The following ELK3 variants were observed in gnomAD, a reference collection of about 807,000 sequenced individuals.
ELK3 encodes the protein ETS transcription factor ELK3.
Under a neutral mutation model 28.9 loss-of-function variants are expected in ELK3, and 10 were observed. The observed-to-expected ratio is 0.35, with a 90% CI of 0.21 to 0.59. The LOEUF (loss-of-function observed/expected upper bound fraction) is 0.59, where lower values mean the gene tolerates loss of function less well. ELK3 is among the 20% of genes least tolerant of loss of function. The probability of loss-of-function intolerance (pLI) is 0.82; values close to 1 mark genes in which losing one functional copy is unlikely to be tolerated. For missense variants in ELK3, 463 were observed against 517.3 expected (o/e 0.90, Z 1.02); for synonymous variants, 272 against 243.5 (o/e 1.12, Z -1.09).
At chr12:96,236,419 T>G (rs556058264) in intron 2 of ELK3, among the ~76,000 whole-genome samples, 20 of 152,292 alleles carry the variant, frequency 1.3e-4, no homozygotes, top group African/African-American at 4.6e-4. Context: ...TTTGGTGAGA[T>G]AGTTCACGCT....
chr12:96,252,059 T>A (rs542330488), intron 3 of ELK3, among the ~76,000 whole-genome samples: 2 of 152,288 alleles, frequency 1.3e-5, no homozygotes, highest in African/African-American at 2.4e-5. Flanking sequence ...ACAGGCTGAG[T>A]CTTGTTAGTA....
rs1302870038 is a variant in ELK3 at position 96,222,384 on chromosome 12, GA to G, written c.-2-1177del. On this transcript the variant is annotated intron_variant, in intron 1 of 4. Transcript: ENST00000228741. ...TAAAAAGTTCACACCAGAGTTGAAG[GA>G]AAAGGATAACATTGTATATATAGGT... is the stretch of plus-strand genomic sequence containing the variant. Among the ~76,000 whole-genome samples the G allele has an allele frequency of 9.4e-5, 7 of 74,210 alleles. No homozygotes were observed. In the East Asian group the frequency reaches 8.3e-3, roughly 88 times the overall value. 48.7% of individuals were successfully genotyped at this position (74,210 alleles called of 152,430 possible).
intron 2 of ELK3, among the ~76,000 whole-genome samples, chr12:96,242,014 T>A (rs568509866): frequency 6.6e-6 from 1 of 152,300 alleles, no homozygotes; most frequent in Admixed American, 6.5e-5. Context: ...AGCGGATGTG[T>A]GTAACACTCT....
In ELK3 at chr12:96,267,811, T is replaced by C. The variant is rs1952049064; in HGVS notation, c.*631T>C. The stretch of plus-strand genomic sequence containing the variant: ...AATGTTTTTATAATAAACTAAGCCA[T>C]ATTTAGACAATAAACATTGATAAAA... On this transcript the variant is annotated 3_prime_UTR_variant, in exon 5 of 5. Transcript: ENST00000228741. 2.1e-5 allele frequency: 3 copies of C among 139,546 alleles called. No individual in the cohort carries two copies. The highest frequency in any genetic ancestry group is 1.5e-4 in the Admixed American group (2 of 13,250). The allele number at this position is 139,546 out of a possible 1,614,324, so 8.6% of individuals were successfully genotyped here.
chr12:96,267,537 T>C lies in ELK3; in HGVS notation c.*357T>C, dbSNP rs574744840. The C allele has an allele frequency of 2.3e-5, 4 of 174,704 alleles. No individual in the cohort carries two copies. The highest frequency in any genetic ancestry group is 3.3e-4 in the East Asian group (2 of 6,144). 10.8% of individuals were successfully genotyped at this position (174,704 alleles called of 1,614,324 possible). ...TTAGTTCTGAGTATGCTAAACTGTGTGCTTATATAGACTATAACCAGTTGT... is the reference window on the plus strand; with the variant it reads ...TTAGTTCTGAGTATGCTAAACTGTGCGCTTATATAGACTATAACCAGTTGT... On this transcript the variant is annotated 3_prime_UTR_variant, in exon 5 of 5. Coordinates refer to ENST00000228741, the MANE Select transcript of ELK3 (RefSeq NM_005230.4).
chr12:96,268,819 TGGGG>T lies in ELK3; in HGVS notation c.*1640_*1643del. On this transcript the variant is annotated 3_prime_UTR_variant, in exon 5 of 5. Transcript: ENST00000228741. ...AATTGGAATTGAGCATCTCTGTATG[TGGGG>T]ATGTGGGCCCTTATCAAGGGATAAA... is the stretch of plus-strand genomic sequence containing the variant. 6.6e-6 allele frequency: 1 copy of T among 152,318 alleles called. No homozygotes were observed. Among genetic ancestry groups the T allele is most frequent in the African/African-American group, 2.4e-5 (1 of 41,578 alleles). The allele number at this position is 152,318 out of a possible 1,614,324, so 9.4% of individuals were successfully genotyped here.
chr12:96,258,484 G>A (rs372302764), intron 3 of ELK3, among the ~76,000 whole-genome samples: 4 of 152,158 alleles, frequency 2.6e-5, no homozygotes, highest in Admixed American at 6.5e-5. Flanking sequence ...ATGATGCTAC[G>A]GAGGCCAATT....
intron 1 of ELK3, among the ~76,000 whole-genome samples, chr12:96,208,795 C>T (rs779882367): frequency 3.9e-5 from 6 of 152,218 alleles, no homozygotes; most frequent in Non-Finnish European, 7.3e-5. Flanking sequence ...GGCTCTATAA[C>T]TCTCTCCAAG....
chr12:96,218,939 C>T (rs1004638280), intron 1 of ELK3, among the ~76,000 whole-genome samples: 2 of 152,192 alleles, frequency 1.3e-5, no homozygotes, highest in South Asian at 2.1e-4. Flanking sequence ...TGAGCCACCG[C>T]GCCCGGCCAA....
intron 1 of ELK3, among the ~76,000 whole-genome samples, chr12:96,209,504 T>A (rs890176124): frequency 1.3e-5 from 2 of 152,242 alleles, no homozygotes; most frequent in African/African-American, 4.8e-5. Context: ...GGGTAAATAC[T>A]TTCGACTTTC....
rs138448694 is a variant in ELK3, at chr12:96,248,516, C to T, written c.1002+782C>T. ...TAGTGGCAGAGGTTAAAAGAGTATT[C>T]GTTTTAGGTTCACAGACCTGCATTC... On this transcript the variant is annotated intron_variant, in intron 3 of 4. Coordinates refer to ENST00000228741, the MANE Select transcript of ELK3 (RefSeq NM_005230.4). 6.9e-3 allele frequency among the ~76,000 whole-genome samples: 1,053 copies of T among 152,226 alleles called. 5 individuals are homozygous for T. Among genetic ancestry groups the T allele is most frequent in the Middle Eastern group, 0.02 (6 of 294 alleles).
At chr12:96,246,919 C>A (rs563443693) in intron 2 of ELK3, 21 bp from the exon 3 acceptor site, 3 of 1,561,652 alleles carry the variant, frequency 1.9e-6, no homozygotes, top group Non-Finnish European at 2.6e-6. Context: ...AGATTTTCAA[C>A]GTCTACTTTT....
At chr12:96,245,377 CG>C (rs1951848645) in intron 2 of ELK3, among the ~76,000 whole-genome samples, 1 of 152,060 alleles carries the variant, frequency 6.6e-6, no homozygotes, top group African/African-American at 2.4e-5. Context: ...TAGAATCTGT[CG>C]ATCTTGGTGG....
intron 2 of ELK3, among the ~76,000 whole-genome samples, chr12:96,234,666 A>G (rs756509706): frequency 2.0e-5 from 3 of 152,210 alleles, no homozygotes; most frequent in Non-Finnish European, 2.9e-5. Flanking sequence ...GTATTTTTAC[A>G]TCTATTAGCT....
intron 1 of ELK3, among the ~76,000 whole-genome samples, chr12:96,210,541 C>T (rs1470558264): frequency 6.8e-6 from 1 of 147,122 alleles, no homozygotes; most frequent in Non-Finnish European, 1.5e-5. Context: ...TCATCCTGTT[C>T]CACCGCCCTG....
intron 1 of ELK3, among the ~76,000 whole-genome samples, chr12:96,218,804 A>G (rs1424823858): frequency 6.6e-6 from 1 of 151,804 alleles, no homozygotes; most frequent in Non-Finnish European, 1.5e-5. Flanking sequence ...GCCCGCCACC[A>G]CGCCTGGCTA....
chr12:96,206,162 T>A (rs886258127), intron 1 of ELK3, among the ~76,000 whole-genome samples: 13 of 152,148 alleles, frequency 8.5e-5, no homozygotes, highest in Non-Finnish European at 1.5e-4. Flanking sequence ...GTGTTTTTTT[T>A]AAACCTAAAT....
At chr12:96,215,059 T>C (rs1951601912) in intron 1 of ELK3, among the ~76,000 whole-genome samples, 2 of 152,148 alleles carry the variant, frequency 1.3e-5, no homozygotes, top group Admixed American at 1.3e-4. Flanking sequence ...CCTATTTTGT[T>C]TATTCCTTAC....
chr12:96,204,819 A>G (rs1473866713), intron 1 of ELK3, among the ~76,000 whole-genome samples: 1 of 152,142 alleles, frequency 6.6e-6, no homozygotes, highest in Non-Finnish European at 1.5e-5. Context: ...AGTTAACAAT[A>G]TTTCTCTGGT....
Sources: allele counts gnomAD v4.1 joint callset (sites outside exome capture counted in the v4.1 genomes callset), GRCh38; gene constraint gnomAD v4.1.1; transcripts MANE v1.5; gene names NCBI Gene and HGNC (gene_info 2026-07-23, HGNC 2026-07-21).